The following LUZP2 variants were observed in gnomAD, a reference collection of about 807,000 sequenced individuals.
LUZP2 encodes the protein leucine zipper protein 2.
In LUZP2, 52 loss-of-function variants were observed where a neutral mutation model predicts 51.6. The observed-to-expected ratio is 1.01, with a 90% CI of 0.81 to 1.27. The LOEUF is 1.27. Ranked by LOEUF, LUZP2 falls within the 50% of genes most tolerant of loss-of-function variation. LUZP2 has a pLI of 0.00. For missense variants in LUZP2, 436 were observed against 395.4 expected, an observed-to-expected ratio of 1.10 and a Z score of -0.87; for synonymous variants, 154 against 137.3, an observed-to-expected ratio of 1.12 and a Z score of -0.85.
At chr11:24,981,158 G>A (rs1253395670) in intron 8 of LUZP2, among the ~76,000 whole-genome samples, 3 of 151,686 alleles carry the variant, frequency 2.0e-5, no homozygotes, top group Non-Finnish European at 4.4e-5. Flanking sequence ...TCATCCTCTG[G>A]GTTTTGCTCA....
intron 9 of LUZP2, among the ~76,000 whole-genome samples, chr11:25,013,765 A>G (rs186686707): frequency 0.012 from 1,790 of 152,104 alleles, 42 homozygotes; most frequent in African/African-American, 0.04. Context: ...TTTTTTTATT[A>G]TACTTTAAGT....
chr11:24,912,623 A>G (rs559535349), intron 6 of LUZP2, among the ~76,000 whole-genome samples: 21 of 152,242 alleles, frequency 1.4e-4, no homozygotes, highest in South Asian at 1.0e-3. Context: ...AGCCTGGACA[A>G]CACAGTGAAA....
intron 5 of LUZP2, among the ~76,000 whole-genome samples, chr11:24,881,334 A>G (rs905719885): frequency 1.3e-4 from 19 of 151,294 alleles, no homozygotes; most frequent in African/African-American, 4.6e-4. Context: ...AAAAAGAGAG[A>G]GAGACAGAAC....
chr11:24,710,638 A>G (rs761541644), intron 1 of LUZP2, among the ~76,000 whole-genome samples: 9 of 152,192 alleles, frequency 5.9e-5, no homozygotes, highest in Non-Finnish European at 1.2e-4. Context: ...TTTCTCTGTC[A>G]TGAATTTCTT....
intron 1 of LUZP2, among the ~76,000 whole-genome samples, chr11:24,515,981 A>ATT (rs1369652980): frequency 1.1e-4 from 17 of 152,174 alleles, no homozygotes; most frequent in Non-Finnish European, 2.2e-4. Context: ...GGAGGCCCTG[A>ATT]TTATGCTCTG....
At chr11:24,502,603 C>T (rs558157239) in intron 1 of LUZP2, among the ~76,000 whole-genome samples, 1 of 152,140 alleles carries the variant, frequency 6.6e-6, no homozygotes, top group African/African-American at 2.4e-5. Flanking sequence ...CCAGACTGGT[C>T]TTGAACCCAT....
chr11:24,503,127 A>G (rs1018290127), intron 1 of LUZP2, among the ~76,000 whole-genome samples: 11 of 152,224 alleles, frequency 7.2e-5, no homozygotes, highest in African/African-American at 2.7e-4. Flanking sequence ...TCTTATACTA[A>G]GTCAGTTTTA....
At chr11:24,574,804 T>C (rs1470156674) in intron 1 of LUZP2, among the ~76,000 whole-genome samples, 2 of 152,118 alleles carry the variant, frequency 1.3e-5, no homozygotes, top group Non-Finnish European at 2.9e-5. Context: ...GGCTTCCAAA[T>C]TATTTGGTAA....
intron 3 of LUZP2, among the ~76,000 whole-genome samples, chr11:24,734,471 A>G (rs1858851996): frequency 6.6e-6 from 1 of 151,870 alleles, no homozygotes; most frequent in Non-Finnish European, 1.5e-5. Flanking sequence ...TTTCAAAGAG[A>G]GGGTAAAATG....
chr11:24,923,764 C>T (rs1383443710), intron 7 of LUZP2, among the ~76,000 whole-genome samples: 1 of 152,008 alleles, frequency 6.6e-6, no homozygotes, highest in Non-Finnish European at 1.5e-5. Flanking sequence ...GCCCCAAGGT[C>T]TTTATCCTAA....
At chr11:25,056,057 C>A (rs182109248) in intron 10 of LUZP2, among the ~76,000 whole-genome samples, 1 of 152,070 alleles carries the variant, frequency 6.6e-6, no homozygotes, top group East Asian at 1.9e-4. Context: ...ATTAATTTAT[C>A]AAATGAAAAA....
chr11:24,578,226 GCTT>G (rs1369889379), intron 1 of LUZP2, among the ~76,000 whole-genome samples: 3 of 151,862 alleles, frequency 2.0e-5, no homozygotes, highest in Non-Finnish European at 4.4e-5. Flanking sequence ...AAATTAAGGA[GCTT>G]CTTCTTAATT....
chr11:24,937,541 C>G (rs1854618213), intron 7 of LUZP2, among the ~76,000 whole-genome samples: 1 of 152,110 alleles, frequency 6.6e-6, no homozygotes, highest in African/African-American at 2.4e-5. Flanking sequence ...AAATTTATTT[C>G]ACAAGAAATT....
chr11:24,551,352 G>T (rs1409527591), intron 1 of LUZP2, among the ~76,000 whole-genome samples: 1 of 151,942 alleles, frequency 6.6e-6, no homozygotes, highest in Non-Finnish European at 1.5e-5. Flanking sequence ...ACAATATATT[G>T]TATTATTCAT....
At chr11:24,675,807 A>G (rs1310140479) in intron 1 of LUZP2, among the ~76,000 whole-genome samples, 1 of 126,746 alleles carries the variant, frequency 7.9e-6, no homozygotes, top group Non-Finnish European at 1.7e-5. Context: ...TTATTTATTT[A>G]TTTATTTATT....
At chr11:24,749,664 T>C (rs901316175) in intron 4 of LUZP2, among the ~76,000 whole-genome samples, 4 of 152,110 alleles carry the variant, frequency 2.6e-5, no homozygotes, top group African/African-American at 9.7e-5. Context: ...TTTTTAGAAG[T>C]TAATAGGAAT....
intron 4 of LUZP2, among the ~76,000 whole-genome samples, chr11:24,750,854 A>T (rs1020782541): frequency 6.6e-6 from 1 of 152,180 alleles, no homozygotes; most frequent in South Asian, 2.1e-4. Flanking sequence ...AGTGACATAT[A>T]CTAATCTTGT....
intron 1 of LUZP2, among the ~76,000 whole-genome samples, chr11:24,652,510 C>T (rs533181936): frequency 2.4e-4 from 37 of 152,044 alleles, no homozygotes; most frequent in East Asian, 5.8e-4. Context: ...AAAGATTAAA[C>T]GTGAAAATCT....
intron 5 of LUZP2, among the ~76,000 whole-genome samples, chr11:24,772,876 TCTC>T (rs895042472): frequency 3.9e-5 from 6 of 152,146 alleles, no homozygotes; most frequent in African/African-American, 2.4e-5. Flanking sequence ...TTGTGTGTCT[TCTC>T]CTCTTCTTAT....
Sources: allele counts gnomAD v4.1 joint callset (sites outside exome capture counted in the v4.1 genomes callset), GRCh38; gene constraint gnomAD v4.1.1; transcripts MANE v1.5; gene names NCBI Gene and HGNC (gene_info 2026-07-23, HGNC 2026-07-21).